Variants in IGF2BP1 observed in about 807,000 individuals in gnomAD.
The protein encoded by IGF2BP1 is insulin like growth factor 2 mRNA binding protein 1.
IGF2BP1 carries 11 observed loss-of-function variants against 74.9 expected under a neutral mutation model. That is an observed-to-expected ratio of 0.15 (90% CI 0.09 to 0.24). The LOEUF (loss-of-function observed/expected upper bound fraction) is 0.24. Among genes scored for constraint, IGF2BP1 ranks in the 10% least tolerant of loss-of-function variants. IGF2BP1 has a pLI of 1.00. For missense variants in IGF2BP1, 440 were observed against 757.4 expected, an observed-to-expected ratio of 0.58 and a Z score of 4.92; for synonymous variants, 287 against 281.8, an observed-to-expected ratio of 1.02 and a Z score of -0.18.
At chr17:48,998,137 C>T (rs1028562226) in intron 1 of IGF2BP1, among the ~76,000 whole-genome samples, 1 of 152,050 alleles carries the variant, frequency 6.6e-6, no homozygotes, top group Admixed American at 6.5e-5. Flanking sequence ...ATCCCTTTCT[C>T]CCAGCCTGAG....
intron 2 of IGF2BP1, chr17:49,014,885 C>G: frequency 1.0e-6 from 1 of 985,366 alleles, no homozygotes; most frequent in Non-Finnish European, 1.2e-6. Flanking sequence ...CTGGTTTCCT[C>G]TCCTGGCTCC....
At chr17:49,041,294 C>T (rs1214023141) in intron 7 of IGF2BP1, 84 bp from the exon 8 acceptor site, 3 of 1,495,178 alleles carry the variant, frequency 2.0e-6, no homozygotes, top group African/African-American at 1.4e-5. Context: ...AATGCCAAGT[C>T]TGGGGTGGCA....
Position 49,039,952 on chromosome 17 carries a change from C to G in IGF2BP1, c.684-5C>G. ...ACTAACCAGCCTTGTCCTTGTGGCC[C>G]CCAGGATAGACGTGCATAGGAAGGA... On this transcript the variant is annotated splice_region_variant and splice_polypyrimidine_tract_variant and intron_variant, in intron 6 of 14. Transcript: ENST00000290341. 6.2e-7 allele frequency: 1 copy of G among 1,612,218 alleles called. No individual in the cohort carries two copies.
At chr17:48,998,920 G>A (rs1233173692) in intron 1 of IGF2BP1, among the ~76,000 whole-genome samples, 189 bp from the exon 2 acceptor site, 2 of 151,974 alleles carry the variant, frequency 1.3e-5, no homozygotes, top group African/African-American at 4.8e-5. Context: ...GAATAATAAC[G>A]AATTTACAGA....
rs568143137 is a variant in IGF2BP1, at chr17:49,032,314, A to G, written c.401+341A>G. Among the ~76,000 whole-genome samples, 5 of 152,266 alleles carry G rather than the reference A, an allele frequency of 3.3e-5. No individual in the cohort carries two copies. The South Asian group carries it at 8.3e-4, about 25-fold the overall frequency. ...AGGTCTCTGGTTGCTCCAGGACCTT[A>G]GAGTCCTTTGCCGTGTTCATGGCGC... is the stretch of plus-strand genomic sequence containing the variant. On this transcript the variant is annotated intron_variant, in intron 5 of 14. Coordinates refer to ENST00000290341, the MANE Select transcript of IGF2BP1 (RefSeq NM_006546.4).
At chr17:48,999,953 T>TGTGTGTGTGTTC (rs894702451) in intron 2 of IGF2BP1, among the ~76,000 whole-genome samples, 1 of 151,508 alleles carries the variant, frequency 6.6e-6, no homozygotes, top group Admixed American at 6.6e-5. Context: ...TGTGTGTGTG[T>TGTGTGTGTGTTC]GTGTGTGTGT....
At position 49,046,364 on chromosome 17, in the gene IGF2BP1, T is replaced by C; in HGVS notation, c.1632T>C (p.Tyr544=). ...QVIVKIIGHF[Y]ASQMAQRKIR... is the part of the protein sequence containing the mutation. ...TCGTGAAAATCATCGGACATTTCTA[T>C]GCCAGTCAGGTACATATGGTGCTCC... Residue 544 remains tyrosine, a synonymous_variant, in exon 14 of 15, where the codon TAT becomes TAC. Transcript: ENST00000290341. 1 of 1,613,404 alleles carries C rather than the reference T, an allele frequency of 6.2e-7. No individual in the cohort carries two copies.
At chr17:49,025,223 C>T (rs1319799523) in intron 2 of IGF2BP1, among the ~76,000 whole-genome samples, 3 of 151,626 alleles carry the variant, frequency 2.0e-5, no homozygotes. Context: ...AAAATAATGT[C>T]TTATTTAGCT....
At chr17:49,025,310 CAAA>C (rs879701194) in intron 2 of IGF2BP1, among the ~76,000 whole-genome samples, 1 of 98,834 alleles carries the variant, frequency 1.0e-5, no homozygotes, top group East Asian at 2.8e-4. Flanking sequence ...GTGGGACAAA[CAAA>C]GTGTGTGTGT....
chr17:49,001,992 T>A (rs1373827910), intron 2 of IGF2BP1, among the ~76,000 whole-genome samples: 1 of 152,098 alleles, frequency 6.6e-6, no homozygotes, highest in Non-Finnish European at 1.5e-5. Context: ...CACTGTCAAC[T>A]GGTGTCATCA....
chr17:49,034,458 G>A (rs2041961510), intron 5 of IGF2BP1, among the ~76,000 whole-genome samples: 1 of 149,424 alleles, frequency 6.7e-6, no homozygotes, highest in Non-Finnish European at 1.5e-5. Flanking sequence ...TAAAAATGCT[G>A]TCGGGTTTAG....
chr17:49,037,431 G>A, intron 5 of IGF2BP1: 1 of 396,900 alleles, frequency 2.5e-6, no homozygotes. Context: ...CCATAAGCCT[G>A]TAGGCAAATA....
chr17:49,012,964 T>G (rs1289323468), intron 2 of IGF2BP1: 1 of 152,116 alleles, frequency 6.6e-6, no homozygotes, highest in Non-Finnish European at 1.5e-5. Context: ...AGGAACAGGC[T>G]GCACAGTGTA....
chr17:48,996,902 C>T (rs2041407551), upstream of IGF2BP1, among the ~76,000 whole-genome samples: 1 of 152,008 alleles, frequency 6.6e-6, no homozygotes, highest in South Asian at 2.1e-4. Context: ...GAAAAGGTTC[C>T]TTTCTTTTTA....
chr17:49,016,039 C>T (rs1034755415), intron 2 of IGF2BP1, among the ~76,000 whole-genome samples: 1 of 152,224 alleles, frequency 6.6e-6, no homozygotes, highest in Non-Finnish European at 1.5e-5. Flanking sequence ...AGTGAAATCC[C>T]GTGCCCAAAT....
intron 1 of IGF2BP1, among the ~76,000 whole-genome samples, 177 bp from the exon 2 acceptor site, chr17:48,998,932 T>G (rs775543044): frequency 4.6e-5 from 7 of 151,992 alleles, no homozygotes; most frequent in Non-Finnish European, 1.0e-4. Context: ...ATTTACAGAC[T>G]CCACCATTCC....
intron 5 of IGF2BP1, among the ~76,000 whole-genome samples, chr17:49,034,745 C>A (rs12937871): frequency 0.12 from 14,659 of 119,370 alleles, 876 homozygotes; most frequent in African/African-American, 0.16. Context: ...TCAAAAAAAA[C>A]ACAAAAAAAA....
intron 2 of IGF2BP1, chr17:49,015,044 G>T (rs920506281): frequency 4.9e-6 from 3 of 606,902 alleles, no homozygotes; most frequent in Non-Finnish European, 6.2e-6. Flanking sequence ...GTGTCCTGTC[G>T]CCCAGGCTGG....
At chr17:49,023,916 C>CT (rs2041821047) in intron 2 of IGF2BP1, among the ~76,000 whole-genome samples, 1 of 150,430 alleles carries the variant, frequency 6.6e-6, no homozygotes, top group Admixed American at 6.6e-5. Context: ...TCAGGGAAAA[C>CT]TACCTTTTTT....
Sources: allele counts gnomAD v4.1 joint callset (sites outside exome capture counted in the v4.1 genomes callset), GRCh38; gene constraint gnomAD v4.1.1; transcripts MANE v1.5; gene names NCBI Gene and HGNC (gene_info 2026-07-23, HGNC 2026-07-21).